The following FHIT variants were observed in gnomAD, a reference collection of about 807,000 sequenced individuals.
The protein encoded by FHIT is fragile histidine triad diadenosine triphosphatase.
A neutral mutation model predicts 17.9 loss-of-function variants in FHIT; 19 were observed. The ratio of observed to expected loss-of-function variants is 1.06; its 90% CI spans 0.74 to 1.56. The LOEUF (loss-of-function observed/expected upper bound fraction) is 1.56, where lower values mean the gene tolerates loss of function less well. Among genes scored for constraint, FHIT ranks in the 40% most tolerant of loss-of-function variants. The probability of loss-of-function intolerance (pLI) is 0.00; values close to 1 mark genes in which losing one functional copy is unlikely to be tolerated. For synonymous variants in FHIT, 81 were observed against 69.7 expected (o/e 1.16, Z -0.81); for missense variants, 248 against 189.2 (o/e 1.31, Z -1.82).
chr3:60,076,347 T>C (rs905185174), intron 5 of FHIT, among the ~76,000 whole-genome samples: 17 of 152,116 alleles, frequency 1.1e-4, no homozygotes, highest in African/African-American at 4.1e-4. Flanking sequence ...TAATATTAAG[T>C]TGGATATGCC....
In FHIT at chr3:60,460,584, C is replaced by A. The variant is rs187273441; in HGVS notation, c.103+76276G>T. On this transcript the variant is annotated intron_variant, in intron 5 of 9. Coordinates refer to ENST00000492590, the MANE Select transcript of FHIT (RefSeq NM_002012.4). ...CCTAGAAACTGTTTATTCAGATCCA[C>A]CTTGGTAAAATAAATACATTCAATA... 3.5e-4 allele frequency among the ~76,000 whole-genome samples: 53 copies of A among 152,260 alleles called. No homozygotes were observed. In the South Asian group the frequency reaches 9.3e-3, roughly 27 times the overall value.
intron 5 of FHIT, among the ~76,000 whole-genome samples, chr3:60,217,547 AC>A (rs1322515579): frequency 6.6e-6 from 1 of 151,938 alleles, no homozygotes; most frequent in Non-Finnish European, 1.5e-5. Context: ...TCACCCTAAC[AC>A]CCCCTTTCTA....
chr3:60,649,194 G>A (rs375578264), intron 4 of FHIT, among the ~76,000 whole-genome samples: 7 of 152,068 alleles, frequency 4.6e-5, no homozygotes, highest in African/African-American at 1.4e-4. Context: ...TCAGGAGATC[G>A]AGACCATTCT....
intron 5 of FHIT, among the ~76,000 whole-genome samples, chr3:60,301,941 GA>G (rs1708473357): frequency 1.3e-5 from 2 of 151,908 alleles, no homozygotes; most frequent in South Asian, 4.2e-4. Flanking sequence ...AAAACTGTAA[GA>G]GTAACCTTAT....
At chr3:59,814,316 T>C (rs1268025727) in intron 8 of FHIT, among the ~76,000 whole-genome samples, 3 of 152,208 alleles carry the variant, frequency 2.0e-5, no homozygotes, top group Admixed American at 2.0e-4. Flanking sequence ...GGCCAACAGT[T>C]TGGTGTTGGC....
At chr3:60,211,924 T>G (rs911440704) in intron 5 of FHIT, among the ~76,000 whole-genome samples, 1 of 152,180 alleles carries the variant, frequency 6.6e-6, no homozygotes, top group African/African-American at 2.4e-5. Context: ...ATATACATAT[T>G]AAAGTACATT....
intron 7 of FHIT, 72 bp downstream of exon 7, chr3:60,011,299 G>T (rs111379812): frequency 1.3e-5 from 18 of 1,400,000 alleles, no homozygotes; most frequent in Middle Eastern, 1.8e-4. Context: ...TGCTGCATAT[G>T]ACTCGTTGTG....
At chr3:60,259,869 T>C (rs1007310612) in intron 5 of FHIT, among the ~76,000 whole-genome samples, 2 of 151,988 alleles carry the variant, frequency 1.3e-5, no homozygotes, top group African/African-American at 4.8e-5. Context: ...CTATGCCAAC[T>C]CAGGGAGTGT....
intron 4 of FHIT, among the ~76,000 whole-genome samples, chr3:60,545,625 A>G (rs896655551): frequency 3.9e-5 from 6 of 152,170 alleles, no homozygotes; most frequent in Non-Finnish European, 8.8e-5. Flanking sequence ...ATTTCATAGT[A>G]TGTCTTTTCA....
At chr3:60,030,965 TC>T (rs1700974559) in intron 5 of FHIT, among the ~76,000 whole-genome samples, 1 of 152,248 alleles carries the variant, frequency 6.6e-6, no homozygotes, top group South Asian at 2.1e-4. Context: ...GTCTTCCTTT[TC>T]CCAAGTTATG....
At chr3:60,340,434 C>G (rs977396134) in intron 5 of FHIT, among the ~76,000 whole-genome samples, 5 of 152,182 alleles carry the variant, frequency 3.3e-5, no homozygotes, top group African/African-American at 1.2e-4. Context: ...CAATGGTAAT[C>G]CACTGCAGCC....
chr3:61,061,324 C>T (rs1354618201), intron 2 of FHIT, among the ~76,000 whole-genome samples: 1 of 152,116 alleles, frequency 6.6e-6, no homozygotes, highest in East Asian at 1.9e-4. Flanking sequence ...GCCTTGGTTA[C>T]AGGTAAGTGC....
chr3:60,154,274 C>T (rs1192709192), intron 5 of FHIT, among the ~76,000 whole-genome samples: 3 of 152,192 alleles, frequency 2.0e-5, no homozygotes, highest in African/African-American at 7.2e-5. Context: ...AGCATTCCTT[C>T]CTTGACCTAC....
intron 4 of FHIT, among the ~76,000 whole-genome samples, chr3:60,599,683 T>C (rs1388305014): frequency 3.6e-5 from 1 of 27,604 alleles, no homozygotes; most frequent in Non-Finnish European, 1.0e-4. Flanking sequence ...AAAGGACAAG[T>C]TAAAAAAAAA....
chr3:60,132,446 G>A (rs1334971141), intron 5 of FHIT, among the ~76,000 whole-genome samples: 1 of 152,126 alleles, frequency 6.6e-6, no homozygotes, highest in African/African-American at 2.4e-5. Context: ...TTTGAAAAGG[G>A]GGGAAAAATT....
chr3:60,989,857 G>A (rs1030720860), intron 3 of FHIT, among the ~76,000 whole-genome samples: 3 of 152,176 alleles, frequency 2.0e-5, no homozygotes, highest in African/African-American at 7.2e-5. Flanking sequence ...TGCACTGCCT[G>A]GAGGTGGAAG....
At chr3:59,768,078 C>A (rs1701890349) in intron 8 of FHIT, among the ~76,000 whole-genome samples, 1 of 152,182 alleles carries the variant, frequency 6.6e-6, no homozygotes. Context: ...GACTAAAAGC[C>A]TCAGTGTTGC....
intron 4 of FHIT, among the ~76,000 whole-genome samples, chr3:60,589,144 A>T (rs552207137): frequency 4.6e-5 from 7 of 152,152 alleles, no homozygotes; most frequent in Admixed American, 4.6e-4. Context: ...TAAATAGAGA[A>T]ACTATTTGAA....
intron 5 of FHIT, among the ~76,000 whole-genome samples, chr3:60,397,303 AG>A (rs954854750): frequency 4.6e-5 from 7 of 152,182 alleles, no homozygotes; most frequent in Non-Finnish European, 8.8e-5. Context: ...GGAGGAAAGC[AG>A]GGTAGGAAGG....
Sources: gnomAD v4.1 joint callset for allele counts (sites outside exome capture counted in the v4.1 genomes callset) on GRCh38, gnomAD v4.1.1 for gene constraint, MANE v1.5 for transcripts, NCBI Gene and HGNC (gene_info 2026-07-23, HGNC 2026-07-21) for gene names.